The following AADACL4 variants were observed in gnomAD, a reference collection of about 807,000 sequenced individuals.
AADACL4 encodes the protein arylacetamide deacetylase like 4.
Under a neutral mutation model 14.1 loss-of-function variants are expected in AADACL4, and 9 were observed. That is an observed-to-expected ratio of 0.64 (90% CI 0.39 to 1.12). The LOEUF (loss-of-function observed/expected upper bound fraction) is 1.12. AADACL4 is among the 50% of genes most tolerant of loss of function. The pLI is 0.01. For synonymous variants in AADACL4, 188 were observed against 201.6 expected, an observed-to-expected ratio of 0.93 and a Z score of 0.57; for missense variants, 531 against 516.1, an observed-to-expected ratio of 1.03 and a Z score of -0.28.
chr1:12,662,889 C>G (rs547064463), intron 3 of AADACL4, among the ~76,000 whole-genome samples: 1 of 152,324 alleles, frequency 6.6e-6, no homozygotes, highest in South Asian at 2.1e-4. Flanking sequence ...GTCTATGTCA[C>G]CAAAGCCCTT....
chr1:12,661,114 C>T (rs1415678167), intron 2 of AADACL4, among the ~76,000 whole-genome samples: 1 of 152,198 alleles, frequency 6.6e-6, no homozygotes, highest in Non-Finnish European at 1.5e-5. Flanking sequence ...GGCATGCACC[C>T]ACTTCAGCAA....
chr1:12,658,276 C>T (rs537925224), intron 2 of AADACL4, among the ~76,000 whole-genome samples: 12 of 149,494 alleles, frequency 8.0e-5, no homozygotes, highest in East Asian at 4.0e-4. Context: ...TTCTTTCTTT[C>T]GAAACAGAGT....
Position 12,666,611 on chromosome 1 carries a change from T to C in AADACL4, c.1100T>C (p.Val367Ala). 1.2e-6 allele frequency: 2 copies of C among 1,614,232 alleles called. No homozygotes were observed. The highest frequency in any genetic ancestry group is 1.7e-6 in the Non-Finnish European group (2 of 1,180,038). ...CGCTTGGAGGACCAGGGGGTCCGCG[T>C]GACATGGTACCACCTGTATGATGGT... The part of the protein sequence containing the change: ...KKRLEDQGVR[V>A]TWYHLYDGFH... The change falls in exon 4 of 4, where the codon GTG (valine) becomes GCG (alanine). Residue 367 changes from valine to alanine, a missense_variant. Physicochemically the swap from Val to Ala is moderately conservative, Grantham distance 64. Transcript: ENST00000376221.
At chr1:12,646,941 G>A (rs1395550118) in intron 1 of AADACL4, among the ~76,000 whole-genome samples, 1 of 152,096 alleles carries the variant, frequency 6.6e-6, no homozygotes, top group Non-Finnish European at 1.5e-5. Context: ...AGTTTAGGGA[G>A]GACAAGGAAA....
chr1:12,661,485 C>G (rs961653899), intron 2 of AADACL4, among the ~76,000 whole-genome samples: 4 of 152,178 alleles, frequency 2.6e-5, no homozygotes, highest in Non-Finnish European at 4.4e-5. Flanking sequence ...GCATGCCTAA[C>G]TTCCCTTGGT....
rs141291967 is a variant in AADACL4, at chr1:12,659,375, A to G, written c.386-2416A>G. On this transcript the variant is annotated intron_variant, in intron 2 of 3. Transcript: ENST00000376221. Reference sequence around the variant, plus strand: ...AGAAGTCAGATTTGACCTCAGGCTCAATGGATGAGGAGGATCTGGCCCTTT... The same window carrying G: ...AGAAGTCAGATTTGACCTCAGGCTCGATGGATGAGGAGGATCTGGCCCTTT... Among the ~76,000 whole-genome samples, 693 of 152,310 alleles carry G rather than the reference A, an allele frequency of 4.5e-3. 2 individuals are homozygous for G. The highest frequency in any genetic ancestry group is 0.016 in the African/African-American group (656 of 41,556).
intron 3 of AADACL4, among the ~76,000 whole-genome samples, chr1:12,664,916 G>A (rs1358080416): frequency 6.6e-6 from 1 of 151,970 alleles, no homozygotes; most frequent in Non-Finnish European, 1.5e-5. Flanking sequence ...GACATACTTC[G>A]GAAGCCAAAC....
At chr1:12,652,319 G>A (rs529158352) in intron 2 of AADACL4, among the ~76,000 whole-genome samples, 135 of 152,204 alleles carry the variant, frequency 8.9e-4, no homozygotes, top group African/African-American at 3.1e-3. Context: ...TCTCACCACC[G>A]TTCTCTACCT....
intron 3 of AADACL4, among the ~76,000 whole-genome samples, chr1:12,663,235 G>A (rs1268366296): frequency 6.6e-6 from 1 of 152,224 alleles, no homozygotes; most frequent in Non-Finnish European, 1.5e-5. Context: ...CTCTGGGTGA[G>A]TTTCTTAGTT....
At chr1:12,665,839 A>G (rs1292002971) in intron 3 of AADACL4, 122 bp from the exon 4 acceptor site, 3 of 1,107,326 alleles carry the variant, frequency 2.7e-6, no homozygotes, top group East Asian at 2.5e-5. Context: ...TCCTTATTTC[A>G]TAGGGTTATT....
intron 2 of AADACL4, 148 bp from the exon 3 acceptor site, chr1:12,661,643 G>T: frequency 1.3e-6 from 1 of 797,432 alleles, no homozygotes; most frequent in Non-Finnish European, 2.1e-6. Context: ...TGGTTTTTTG[G>T]CTCTGTCCAG....
chr1:12,647,972 G>A (rs533922589), intron 1 of AADACL4, among the ~76,000 whole-genome samples: 293 of 151,956 alleles, frequency 1.9e-3, no homozygotes, highest in African/African-American at 6.7e-3. Flanking sequence ...TCGCTTTTCT[G>A]TTTTTGTTTT....
intron 2 of AADACL4, among the ~76,000 whole-genome samples, chr1:12,652,444 G>A (rs567889034): frequency 2.0e-5 from 3 of 152,290 alleles, no homozygotes; most frequent in Non-Finnish European, 2.9e-5. Context: ...TCTTGATACC[G>A]GTGGGCTGGG....
intron 1 of AADACL4, among the ~76,000 whole-genome samples, chr1:12,647,865 C>T (rs1259305334): frequency 6.6e-6 from 1 of 152,090 alleles, no homozygotes; most frequent in African/African-American, 2.4e-5. Flanking sequence ...GCCATGTTGC[C>T]TAGGCTGGTC....
chr1:12,658,732 T>C (rs1647203650), intron 2 of AADACL4, among the ~76,000 whole-genome samples: 1 of 149,140 alleles, frequency 6.7e-6, no homozygotes, highest in South Asian at 2.2e-4. Context: ...GCACTGATAC[T>C]GCCCTGCCCT....
At chr1:12,665,355 T>G (rs1647299276) in intron 3 of AADACL4, among the ~76,000 whole-genome samples, 1 of 152,178 alleles carries the variant, frequency 6.6e-6, no homozygotes, top group Non-Finnish European at 1.5e-5. Context: ...CCTGAGTAGC[T>G]GGGACTATAG....
In AADACL4 at chr1:12,666,801, G is replaced by C; in HGVS notation, c.*66G>C. On this transcript the variant is annotated 3_prime_UTR_variant, in exon 4 of 4. Coordinates refer to ENST00000376221, the MANE Select transcript of AADACL4 (RefSeq NM_001013630.2). ...ACTCTACCAGAAACCGGGTGCTTTA[G>C]TGAGTTCTATTTTATTGACTAAAGA... 1 of 1,465,376 alleles carries C rather than the reference G, an allele frequency of 6.8e-7. No individual in the cohort carries two copies. Among genetic ancestry groups the C allele is most frequent in the East Asian group, 2.3e-5 (1 of 44,000 alleles). 90.8% of individuals were successfully genotyped at this position (1,465,376 alleles called of 1,614,324 possible).
rs1647095618 is a variant in AADACL4, at chr1:12,644,208, C to T, written c.-339C>T. On this transcript the variant is annotated 5_prime_UTR_variant, in exon 1 of 4. Transcript: ENST00000376221. ...GATCAGGCCCTGGAGGCCTATATAA[C>T]CCATATGAGATCTCTTTCTAGGGTT... Among the ~76,000 whole-genome samples, 1 of 152,178 alleles carries T rather than the reference C, an allele frequency of 6.6e-6. No individual in the cohort carries two copies. Among genetic ancestry groups the T allele is most frequent in the Non-Finnish European group, 1.5e-5 (1 of 68,024 alleles).
At chr1:12,648,567 T>A (rs560900848) in intron 1 of AADACL4, among the ~76,000 whole-genome samples, 46 of 151,528 alleles carry the variant, frequency 3.0e-4, no homozygotes, top group Non-Finnish European at 6.0e-4. Flanking sequence ...TGGGTTTTTT[T>A]TTTTTTTGTA....
Sources: allele counts gnomAD v4.1 joint callset (sites outside exome capture counted in the v4.1 genomes callset), GRCh38; gene constraint gnomAD v4.1.1; transcripts MANE v1.5; gene names NCBI Gene and HGNC (gene_info 2026-07-23, HGNC 2026-07-21).